LYRM7: variants seen among roughly 807,000 people sequenced by gnomAD.
LYRM7 encodes the protein LYR motif containing 7, also known as complex III assembly factor LYRM7.
Under a neutral mutation model 15.8 loss-of-function variants are expected in LYRM7, and 9 were observed. The observed-to-expected ratio is 0.57, with a 90% CI of 0.34 to 0.99. The LOEUF is 0.99. Ranked by LOEUF, LYRM7 falls within the 50% of genes least tolerant of loss-of-function variation. The pLI, the probability that LYRM7 is intolerant of heterozygous loss-of-function variation, is 0.02. For synonymous variants in LYRM7, 39 were observed against 39.4 expected (o/e 0.99, Z 0.04); for missense variants, 115 against 119.1 (o/e 0.97, Z 0.16).
chr5:131,195,327 G>A (rs1036040063), intron 4 of LYRM7, among the ~76,000 whole-genome samples: 7 of 152,160 alleles, frequency 4.6e-5, no homozygotes, highest in African/African-American at 1.4e-4. Flanking sequence ...TGCAGATTAA[G>A]CTAGCCCACA....
Position 131,181,428 on chromosome 5 carries a change from T to TAACATATATATGTATATATATATAA in LYRM7, c.92-775_92-751dup, listed in dbSNP as rs1554089952. Among the ~76,000 whole-genome samples the TAACATATATATGTATATATATATAA allele has an allele frequency of 7.2e-5, 8 of 111,428 alleles. No individual in the cohort carries two copies. In the South Asian group the frequency reaches 1.4e-3, roughly 20 times the overall value. 73.1% of individuals were successfully genotyped at this position (111,428 alleles called of 152,430 possible). A position where few individuals can be genotyped will look rare whatever the true frequency, so the allele number is the denominator to read the frequency against. ...ATACATATATATGTTTATATATATATAACATATATATGTATATATATATAA... is the reference window on the plus strand; with the variant it reads ...ATACATATATATGTTTATATATATATAACATATATATGTATATATATATAAAACATATATATGTATATATATATAA... On this transcript the variant is annotated intron_variant, in intron 2 of 4. Transcript: ENST00000379380.
At chr5:131,189,819 A>C (rs1301858587) in intron 4 of LYRM7, among the ~76,000 whole-genome samples, 1 of 152,100 alleles carries the variant, frequency 6.6e-6, no homozygotes, top group Admixed American at 6.6e-5. Context: ...ACTTTTAATT[A>C]ATGGGGACTT....
chr5:131,177,316 C>G (rs988648141), intron 1 of LYRM7, among the ~76,000 whole-genome samples: 1 of 152,150 alleles, frequency 6.6e-6, no homozygotes, highest in Non-Finnish European at 1.5e-5. Flanking sequence ...TGGTCTTTGC[C>G]TCTCCCATGT....
chr5:131,180,103 G>C lies in LYRM7; in HGVS notation c.27G>C (p.Gln9His). 1 of 1,610,942 alleles carries C rather than the reference G, an allele frequency of 6.2e-7. No homozygotes were observed. The highest frequency in any genetic ancestry group is 8.5e-7 in the Non-Finnish European group (1 of 1,177,662). Residue 9 changes from glutamine (Q) to histidine (H), a missense_variant, in exon 2 of 5, where the codon CAG (glutamine) becomes CAC (histidine). Gln to His is a conservative substitution (Grantham distance 24). Coordinates refer to ENST00000379380, the MANE Select transcript of LYRM7 (RefSeq NM_181705.4). Reference sequence around the variant, plus strand: ...TCTGATTTTCTTAACAGGTTTTACAGCTCTTTAAAACACTGCACAGGACCA... The same window carrying C: ...TCTGATTTTCTTAACAGGTTTTACACCTCTTTAAAACACTGCACAGGACCA... MGRAVKVL[Q>H]LFKTLHRTRQ... is the part of the protein sequence containing the mutation.
intron 1 of LYRM7, among the ~76,000 whole-genome samples, chr5:131,179,874 T>G (rs1340324696): frequency 6.6e-6 from 1 of 152,070 alleles, no homozygotes; most frequent in East Asian, 1.9e-4. Flanking sequence ...AGGCGGAGGT[T>G]GTGGTGAGCC....
chr5:131,187,439 C>T (rs61257486), intron 4 of LYRM7, among the ~76,000 whole-genome samples: 13,928 of 151,506 alleles, frequency 0.092, 803 homozygotes, highest in South Asian at 0.13. Context: ...TATTTCTTTA[C>T]CTTTTACTCT....
At chr5:131,178,680 G>A (rs79417906) in intron 1 of LYRM7, among the ~76,000 whole-genome samples, 12,264 of 151,966 alleles carry the variant, frequency 0.081, 660 homozygotes, top group South Asian at 0.13. Flanking sequence ...GCAATTAAAA[G>A]GGCCAGACGT....
At chr5:131,184,715 C>T (rs1032727988) in intron 3 of LYRM7, among the ~76,000 whole-genome samples, 4 of 151,742 alleles carry the variant, frequency 2.6e-5, no homozygotes, top group Non-Finnish European at 4.4e-5. Context: ...CCTTATTCCT[C>T]AACTAGCCTT....
At chr5:131,197,935 C>CA (rs1286270136) in intron 4 of LYRM7, among the ~76,000 whole-genome samples, 1 of 150,614 alleles carries the variant, frequency 6.6e-6, no homozygotes, top group African/African-American at 2.4e-5. Context: ...TTCAGATTTA[C>CA]AAAAAAAGTG....
At position 131,171,050 on chromosome 5, in the gene LYRM7, C is replaced by T. The variant is rs1265333809; in HGVS notation, c.18+12C>T. 2.0e-6 allele frequency: 3 copies of T among 1,526,054 alleles called. No homozygotes were observed. Among genetic ancestry groups the T allele is most frequent in the Non-Finnish European group, 2.6e-6 (3 of 1,147,250 alleles). 94.5% of individuals were successfully genotyped at this position (1,526,054 alleles called of 1,614,324 possible). A position where few individuals can be genotyped will look rare whatever the true frequency, so the allele number is the denominator to read the frequency against. Reference sequence around the variant, plus strand: ...GACGGGCAGTCAAGGTGACAGGGCCCGGGAAGGGGTGGGTACGATGCCGTC... The same window carrying T: ...GACGGGCAGTCAAGGTGACAGGGCCTGGGAAGGGGTGGGTACGATGCCGTC... On this transcript the variant is annotated intron_variant, in intron 1 of 4. Transcript: ENST00000379380.
At chr5:131,188,051 G>A (rs1755825428) in intron 4 of LYRM7, among the ~76,000 whole-genome samples, 1 of 151,882 alleles carries the variant, frequency 6.6e-6, no homozygotes, top group South Asian at 2.1e-4. Flanking sequence ...GAGCCCAGGA[G>A]TTCAAGACCA....
chr5:131,182,158 A>G (rs1431381662), intron 2 of LYRM7, 71 bp from the exon 3 acceptor site: 1 of 1,253,618 alleles, frequency 8.0e-7, no homozygotes. Context: ...ATAGTGAATA[A>G]TGTGTCAATT....
In LYRM7 at chr5:131,199,528, C is replaced by G; in HGVS notation, c.245-3C>G. On this transcript the variant is annotated splice_region_variant and splice_polypyrimidine_tract_variant and intron_variant, in intron 4 of 4. Coordinates refer to ENST00000379380, the MANE Select transcript of LYRM7 (RefSeq NM_181705.4). ...ATTATTCTCTTTTTTTTTTTTCTTT[C>G]AGAACTGGTCCCTAGGAAAGACCTT... 3.3e-6 allele frequency: 5 copies of G among 1,525,322 alleles called. No individual in the cohort carries two copies. The highest frequency in any genetic ancestry group is 4.4e-6 in the Non-Finnish European group (5 of 1,134,694). 94.5% of individuals were successfully genotyped at this position (1,525,322 alleles called of 1,614,324 possible).
chr5:131,173,570 C>A (rs191517888), intron 1 of LYRM7, among the ~76,000 whole-genome samples: 1 of 152,206 alleles, frequency 6.6e-6, no homozygotes, highest in Non-Finnish European at 1.5e-5. Flanking sequence ...GCAGTGAAAC[C>A]CCGTCTCTAC....
chr5:131,172,032 C>T (rs920716765), intron 1 of LYRM7, among the ~76,000 whole-genome samples: 2 of 152,128 alleles, frequency 1.3e-5, no homozygotes, highest in African/African-American at 4.8e-5. Context: ...GTGGGGAGAC[C>T]TTAAACAGTT....
chr5:131,199,629 A>G lies in LYRM7; in HGVS notation c.*28A>G, dbSNP rs571208840. 8.0e-6 allele frequency: 12 copies of G among 1,508,538 alleles called. No individual in the cohort carries two copies. The East Asian group carries it at 1.6e-4, about 20-fold the overall frequency. The allele number at this position is 1,508,538 out of a possible 1,614,324, so 93.4% of individuals were successfully genotyped here. ...TTTCTAGAATACAACAAGTCTTTGT[A>G]CTTTTTAACTTTAAAATCTACAACT... On this transcript the variant is annotated 3_prime_UTR_variant, in exon 5 of 5. Coordinates refer to ENST00000379380, the MANE Select transcript of LYRM7 (RefSeq NM_181705.4).
chr5:131,188,038 A>G (rs1228237249), intron 4 of LYRM7, among the ~76,000 whole-genome samples: 1 of 151,904 alleles, frequency 6.6e-6, no homozygotes, highest in Non-Finnish European at 1.5e-5. Context: ...AGGAGTCTAG[A>G]TTGAGCCCAG....
intron 1 of LYRM7, 152 bp from the exon 2 acceptor site, chr5:131,179,943 A>G: frequency 1.9e-6 from 1 of 520,368 alleles, no homozygotes; most frequent in Non-Finnish European, 3.4e-6. Flanking sequence ...GTCAAAAAAA[A>G]ATTTTTTTTT....
At chr5:131,178,448 A>C (rs1396051411) in intron 1 of LYRM7, among the ~76,000 whole-genome samples, 4 of 152,218 alleles carry the variant, frequency 2.6e-5, no homozygotes, top group Non-Finnish European at 1.5e-5. Context: ...GTGGCCTCCA[A>C]TAAGTAAAAT....
Sources: gnomAD v4.1 joint callset for allele counts (sites outside exome capture counted in the v4.1 genomes callset) on GRCh38, gnomAD v4.1.1 for gene constraint, MANE v1.5 for transcripts, NCBI Gene and HGNC (gene_info 2026-07-23, HGNC 2026-07-21) for gene names.